The following HSPA5 variants were observed in gnomAD, a reference collection of about 807,000 sequenced individuals.
HSPA5 encodes heat shock protein family A (Hsp70) member 5.
HSPA5 carries 16 observed loss-of-function variants against 49.5 expected under a neutral mutation model. The ratio of observed to expected loss-of-function variants is 0.32; its 90% CI spans 0.22 to 0.49. HSPA5 has a LOEUF of 0.49. Among genes scored for constraint, HSPA5 ranks in the 20% least tolerant of loss-of-function variants. The probability of loss-of-function intolerance (pLI) is 0.99; values close to 1 mark genes in which losing one functional copy is unlikely to be tolerated. For synonymous variants in HSPA5, 271 were observed against 307.2 expected, an observed-to-expected ratio of 0.88 and a Z score of 1.23; for missense variants, 376 against 819.0, an observed-to-expected ratio of 0.46 and a Z score of 6.60.
At chr9:125,237,229 T>C (rs909036003) in intron 7 of HSPA5, 75 bp from the exon 8 acceptor site, 7 of 1,090,698 alleles carry the variant, frequency 6.4e-6, no homozygotes, top group South Asian at 1.5e-5. Flanking sequence ...CGCATTTCAG[T>C]CTGAAGCATA....
chr9:125,237,737 T>G (rs1438265616), intron 7 of HSPA5, among the ~76,000 whole-genome samples: 1 of 152,062 alleles, frequency 6.6e-6, no homozygotes, highest in Non-Finnish European at 1.5e-5. Flanking sequence ...GACCTCCATC[T>G]GAAAACAGCA....
rs1588431136 is a variant in HSPA5 at position 125,239,665 on chromosome 9, G to T, written c.493-132C>A. 30 of 671,934 alleles carry T rather than the reference G, an allele frequency of 4.5e-5. No individual in the cohort carries two copies. In the East Asian group the frequency reaches 8.2e-4, roughly 18 times the overall value. 41.6% of individuals were successfully genotyped at this position (671,934 alleles called of 1,614,324 possible). On this transcript the variant is annotated intron_variant, in intron 3 of 7. Coordinates refer to ENST00000324460, the MANE Select transcript of HSPA5 (RefSeq NM_005347.5). The surrounding 1 kb of genome is among the most constrained non-coding windows in gnomAD (Gnocchi z 5.5). Reference sequence around the variant, plus strand: ...AGGCTGAGGCAGGAGGATCACCTGAGGGCAGGATTTCAAGACCAGCCTGGG... The same window carrying T: ...AGGCTGAGGCAGGAGGATCACCTGATGGCAGGATTTCAAGACCAGCCTGGG...
Position 125,240,972 on chromosome 9 carries a change from G to A in HSPA5, c.122+33C>T. On this transcript the variant is annotated intron_variant, in intron 1 of 7. Coordinates refer to ENST00000324460, the MANE Select transcript of HSPA5 (RefSeq NM_005347.5). This position sits in a 1 kb window ranked among gnomAD's most constrained non-coding sequence, Gnocchi z 4.4. The stretch of plus-strand genomic sequence containing the variant: ...TTCTCACGCCAGGCCAGGCGGCCAC[G>A]CCCCGTCCCCCTGCATCCGCAACCC... 1.2e-6 allele frequency: 2 copies of A among 1,611,496 alleles called. No individual in the cohort carries two copies. The highest frequency in any genetic ancestry group is 1.7e-4 in the Middle Eastern group (1 of 6,050).
rs1472776693 is a variant in HSPA5 at position 125,237,136 on chromosome 9, T to C, written c.1421A>G (p.Lys474Arg). The C allele has an allele frequency of 6.2e-7, 1 of 1,608,586 alleles. No individual in the cohort carries two copies. The highest frequency in any genetic ancestry group is 8.5e-7 in the Non-Finnish European group (1 of 1,176,904). Residue 474 changes from lysine (K) to arginine (R), a missense_variant, in exon 8 of 8, where the codon AAA becomes AGA. Around this residue, in one of 8 missense-constraint regions of HSPA5, gnomAD observed 71 missense variants for 169.9 expected, o/e 0.42. Coordinates refer to ENST00000324460, the MANE Select transcript of HSPA5 (RefSeq NM_005347.5). Reference sequence around the variant, plus strand: ...AAATGTACCCAGAAGATGATTGTCTTTTGTCAGGGGTCTTTCACCTAGAAG... The same window carrying C: ...AAATGTACCCAGAAGATGATTGTCTCTTGTCAGGGGTCTTTCACCTAGAAG... ...KVYEGERPLT[K>R]DNHLLGTFDL...
In HSPA5 at chr9:125,240,354, C is replaced by G; in HGVS notation, c.355-45G>C. ...TTTTCAGACACAGATACAATGACAT[C>G]TCAAAGTTTAAAAGACCCACTACCA... On this transcript the variant is annotated intron_variant, in intron 2 of 7. Coordinates refer to ENST00000324460, the MANE Select transcript of HSPA5 (RefSeq NM_005347.5). The surrounding 1 kb of genome is among the most constrained non-coding windows in gnomAD (Gnocchi z 4.4). 6.4e-7 allele frequency: 1 copy of G among 1,550,488 alleles called. No homozygotes were observed. The highest frequency in any genetic ancestry group is 8.8e-7 in the Non-Finnish European group (1 of 1,140,202).
rs1832535586 is a variant in HSPA5, at chr9:125,239,431, T to C, written c.595A>G (p.Ile199Val). 3 of 1,614,090 alleles carry C rather than the reference T, an allele frequency of 1.9e-6. No homozygotes were observed. The highest frequency in any genetic ancestry group is 2.5e-6 in the Non-Finnish European group (3 of 1,180,018). Reference protein sequence around the residue: ...TIAGLNVMRIINEPTAAAIAY... With the variant: ...TIAGLNVMRIVNEPTAAAIAY... ...GAATTTCATACTTACGGCTCGTTGATGATCCTCATAACATTTAGGCCAGCA... is the reference window on the plus strand; with the variant it reads ...GAATTTCATACTTACGGCTCGTTGACGATCCTCATAACATTTAGGCCAGCA... The change falls in exon 4 of 8, where the codon ATC becomes GTC. Residue 199 changes from isoleucine to valine, a missense_variant. Physicochemically the swap from Ile to Val is conservative, Grantham distance 29 (BLOSUM62 3). This residue lies in a region of HSPA5 where 89 missense variants were observed against 200.0 expected (regional missense o/e 0.44). Transcript: ENST00000324460. The surrounding 1 kb of genome is among the most constrained non-coding windows in gnomAD (Gnocchi z 5.5).
In HSPA5 at chr9:125,237,217, C is replaced by G; in HGVS notation, c.1403-63G>C. On this transcript the variant is annotated intron_variant, in intron 7 of 7. Coordinates refer to ENST00000324460, the MANE Select transcript of HSPA5 (RefSeq NM_005347.5). ...TGACAAGCATTAGCACATCTAGATC[C>G]CCGCATTTCAGTCTGAAGCATAAAG... 4.2e-6 allele frequency: 5 copies of G among 1,187,992 alleles called. No individual in the cohort carries two copies. The South Asian group carries it at 5.8e-5, about 14-fold the overall frequency. 73.6% of individuals were successfully genotyped at this position (1,187,992 alleles called of 1,614,324 possible).
rs35356639 is a variant in HSPA5, at chr9:125,236,930, T to C, written c.1627A>G (p.Asn543Asp). Residue 543 changes from asparagine to aspartate, a missense_variant, in exon 8 of 8, where the codon AAT becomes GAT. Physicochemically the swap from Asn to Asp is conservative, Grantham distance 23. Around this residue, in one of 8 missense-constraint regions of HSPA5, gnomAD observed 71 missense variants for 169.9 expected, o/e 0.42. Coordinates refer to ENST00000324460, the MANE Select transcript of HSPA5 (RefSeq NM_005347.5). ...LTPEEIERMV[N>D]DAEKFAEEDK... ...TCCTCAGCAAACTTCTCAGCATCATTAACCATCCTTTCGATTTCTTCAGGT... is the reference window on the plus strand; with the variant it reads ...TCCTCAGCAAACTTCTCAGCATCATCAACCATCCTTTCGATTTCTTCAGGT... 1.9e-6 allele frequency: 3 copies of C among 1,613,886 alleles called. No homozygotes were observed. Among genetic ancestry groups the C allele is most frequent in the African/African-American group, 2.7e-5 (2 of 74,940 alleles).
At position 125,239,605 on chromosome 9, in the gene HSPA5, G is replaced by T. The variant is rs35245888; in HGVS notation, c.493-72C>A. On this transcript the variant is annotated intron_variant, in intron 3 of 7. Transcript: ENST00000324460. This position sits in a 1 kb window ranked among gnomAD's most constrained non-coding sequence, Gnocchi z 5.5. ...CTTATTTAAATTACAGTCTGGCCAG[G>T]CGGTGGCTTCTGCCTATAATCCCAG... is the stretch of plus-strand genomic sequence containing the variant. The T allele has an allele frequency of 0.027, 34,387 of 1,274,978 alleles. 578 individuals carry two copies. Among genetic ancestry groups the T allele is most frequent in the Middle Eastern group, 0.035 (153 of 4,434 alleles). 79.0% of individuals were successfully genotyped at this position (1,274,978 alleles called of 1,614,324 possible).
chr9:125,236,636 G>C lies in HSPA5; in HGVS notation c.1921C>G (p.Pro641Ala), dbSNP rs781041888. The stretch of plus-strand genomic sequence containing the variant: ...GCTGTATCCTCTTCACCAGTTGGGG[G>C]AGGGCCTGCACTTCCATAGAGTTTG... ...ISKLYGSAGP[P>A]PTGEEDTAEK... Residue 641 changes from proline (P) to alanine (A), a missense_variant, in exon 8 of 8, where the codon CCC becomes GCC. By Grantham distance (27) the Pro-to-Ala change is conservative. Transcript: ENST00000324460. The C allele has an allele frequency of 6.2e-7, 1 of 1,611,348 alleles. No individual in the cohort carries two copies. The highest frequency in any genetic ancestry group is 1.1e-5 in the South Asian group (1 of 90,240).
chr9:125,238,510 G>C, intron 6 of HSPA5, 80 bp downstream of exon 6: 1 of 1,214,986 alleles, frequency 8.2e-7, no homozygotes, highest in Non-Finnish European at 1.2e-6. Flanking sequence ...CTCATATTCT[G>C]GTATTTTCTA....
At position 125,240,148 on chromosome 9, in the gene HSPA5, T is replaced by TA. The variant is rs1410767615; in HGVS notation, c.492+23dup. The TA allele has an allele frequency of 6.4e-7, 1 of 1,571,574 alleles. No homozygotes were observed. The highest frequency in any genetic ancestry group is 1.2e-5 in the South Asian group (1 of 86,528). On this transcript the variant is annotated intron_variant, in intron 3 of 7. Transcript: ENST00000324460. The surrounding 1 kb of genome is among the most constrained non-coding windows in gnomAD (Gnocchi z 4.4). ...AGAATACTAATGATCAAAAAATACT[T>TA]AACATTGTTCTAGAAATATTTACCT...
Position 125,241,327 on chromosome 9 carries a change from C to T in HSPA5, c.-201G>A, listed in dbSNP as rs968656097. On this transcript the variant is annotated 5_prime_UTR_variant, in exon 1 of 8. Transcript: ENST00000324460. ...ACCCCAATAGGTCAATCTGTCTGTGCTGTCTTGGCCGGCGTCGACCTCACC... is the reference window on the plus strand; with the variant it reads ...ACCCCAATAGGTCAATCTGTCTGTGTTGTCTTGGCCGGCGTCGACCTCACC... 5 of 611,540 alleles carry T rather than the reference C, an allele frequency of 8.2e-6. No individual in the cohort carries two copies. The highest frequency in any genetic ancestry group is 5.6e-5 in the African/African-American group (3 of 53,506). 37.9% of individuals were successfully genotyped at this position (611,540 alleles called of 1,614,324 possible).
chr9:125,238,230 G>A lies in HSPA5; in HGVS notation c.1313C>T (p.Pro438Leu). ...TVGGVMTKLI[P>L]RNTVVPTKKS... ...CTTGGTAGGCACCACTGTGTTCCTTGGAATCAGTTTGGTCATGACACCTCC... is the reference window on the plus strand; with the variant it reads ...CTTGGTAGGCACCACTGTGTTCCTTAGAATCAGTTTGGTCATGACACCTCC... Residue 438 changes from proline (P) to leucine (L), a missense_variant, in exon 7 of 8, where the codon CCA (proline) becomes CTA (leucine). Physicochemically the swap from Pro to Leu is moderately conservative, Grantham distance 98. Transcript: ENST00000324460. 4 of 1,613,828 alleles carry A rather than the reference G, an allele frequency of 2.5e-6. No individual in the cohort carries two copies. Among genetic ancestry groups the A allele is most frequent in the Non-Finnish European group, 3.4e-6 (4 of 1,179,720 alleles).
At position 125,239,745 on chromosome 9, in the gene HSPA5, C is replaced by T. The variant is rs1832540771; in HGVS notation, c.493-212G>A. ...AATTAAAAAAAAAAAAAAAAATTAG[C>T]CAGGTGTGGTGGTGTGCCTGTAGTT... On this transcript the variant is annotated intron_variant, in intron 3 of 7. Coordinates refer to ENST00000324460, the MANE Select transcript of HSPA5 (RefSeq NM_005347.5). This position sits in a 1 kb window ranked among gnomAD's most constrained non-coding sequence, Gnocchi z 5.5. Among the ~76,000 whole-genome samples the T allele has an allele frequency of 6.7e-6, 1 of 150,164 alleles. No homozygotes were observed. The highest frequency in any genetic ancestry group is 1.5e-5 in the Non-Finnish European group (1 of 67,880).
rs752461624 is a variant in HSPA5, at chr9:125,239,346, A to G, written c.606-15T>C. On this transcript the variant is annotated splice_polypyrimidine_tract_variant and intron_variant, in intron 4 of 7. Transcript: ENST00000324460. The surrounding 1 kb of genome is among the most constrained non-coding windows in gnomAD (Gnocchi z 5.5). ...CAGCTGCCGTACTATTAGATTGAAA[A>G]AGGGAAAAGTTTTGTCAGTACTTCA... 6 of 1,611,952 alleles carry G rather than the reference A, an allele frequency of 3.7e-6. No individual in the cohort carries two copies. Among genetic ancestry groups the G allele is most frequent in the Non-Finnish European group, 5.1e-6 (6 of 1,178,108 alleles).
chr9:125,239,336 T>C lies in HSPA5; in HGVS notation c.606-5A>G, dbSNP rs759173607. ...TAAGCAATAGCAGCTGCCGTACTATTAGATTGAAAAAGGGAAAAGTTTTGT... is the reference window on the plus strand; with the variant it reads ...TAAGCAATAGCAGCTGCCGTACTATCAGATTGAAAAAGGGAAAAGTTTTGT... On this transcript the variant is annotated splice_region_variant and splice_polypyrimidine_tract_variant and intron_variant, in intron 4 of 7. Transcript: ENST00000324460. This position sits in a 1 kb window ranked among gnomAD's most constrained non-coding sequence, Gnocchi z 5.5. The C allele has an allele frequency of 2.2e-5, 36 of 1,611,936 alleles. No homozygotes were observed. The Admixed American group carries it at 3.2e-4, about 14-fold the overall frequency.
rs1162331057 is a variant in HSPA5, at chr9:125,235,126, G to A, written c.*1466C>T. On this transcript the variant is annotated 3_prime_UTR_variant, in exon 8 of 8. Transcript: ENST00000324460. ...GGTCTAATTAAGAGTTTGGTGTTGG[G>A]ATCCAGTTCTACTAGCCCTAGAGAA... 1 of 152,058 alleles carries A rather than the reference G, an allele frequency of 6.6e-6. No homozygotes were observed. Among genetic ancestry groups the A allele is most frequent in the Non-Finnish European group, 1.5e-5 (1 of 68,072 alleles). The allele number at this position is 152,058 out of a possible 1,614,324, so 9.4% of individuals were successfully genotyped here.
In HSPA5 at chr9:125,239,526, T is replaced by C; in HGVS notation, c.500A>G (p.His167Arg). ...ATAGGCTGGTACAGTAACAACTGCA[T>C]GGGTAACCTAAAAGGATAAAAGATA... ...AEAYLGKKVT[H>R]AVVTVPAYFN... Residue 167 changes from histidine (H) to arginine (R), a missense_variant, in exon 4 of 8, where the codon CAT (histidine) becomes CGT (arginine). Around this residue, in one of 8 missense-constraint regions of HSPA5, gnomAD observed 89 missense variants for 200.0 expected, o/e 0.44. Coordinates refer to ENST00000324460, the MANE Select transcript of HSPA5 (RefSeq NM_005347.5). The surrounding 1 kb of genome is among the most constrained non-coding windows in gnomAD (Gnocchi z 5.5). 1 of 1,608,122 alleles carries C rather than the reference T, an allele frequency of 6.2e-7. No homozygotes were observed. Among genetic ancestry groups the C allele is most frequent in the Non-Finnish European group, 8.5e-7 (1 of 1,174,556 alleles).
Sources: allele counts gnomAD v4.1 joint callset (sites outside exome capture counted in the v4.1 genomes callset), GRCh38; gene constraint gnomAD v4.1.1; regional missense constraint gnomAD v4.1.1; non-coding constraint Gnocchi (gnomAD v3.1); transcripts MANE v1.5; gene names NCBI Gene and HGNC (gene_info 2026-07-23, HGNC 2026-07-21).